The following DPYD variants were observed in gnomAD, a reference collection of about 807,000 sequenced individuals.
DPYD encodes dihydropyrimidine dehydrogenase.
DPYD carries 109 observed loss-of-function variants against 116.2 expected under a neutral mutation model. That is an observed-to-expected ratio of 0.94 (90% CI 0.80 to 1.10). The LOEUF is 1.10. Ranked by LOEUF, DPYD falls within the 50% of genes least tolerant of loss-of-function variation. The pLI is 0.00. For missense variants in DPYD, 1,302 were observed against 1,254.5 expected (o/e 1.04, Z -0.57); for synonymous variants, 440 against 432.0 (o/e 1.02, Z -0.23).
chr1:97,691,654 T>C, intron 7 of DPYD, 63 bp downstream of exon 7: 1 of 1,350,204 alleles, frequency 7.4e-7, no homozygotes. Context: ...GCTGTTAATC[T>C]TTAGTGTAGA....
chr1:97,152,898 T>G (rs1655138933), intron 20 of DPYD, among the ~76,000 whole-genome samples: 1 of 152,134 alleles, frequency 6.6e-6, no homozygotes, highest in Admixed American at 6.6e-5. Flanking sequence ...TCAATTTGAG[T>G]GTGTCCTAGT....
intron 16 of DPYD, among the ~76,000 whole-genome samples, chr1:97,324,847 G>C (rs915509345): frequency 6.6e-6 from 1 of 152,046 alleles, no homozygotes; most frequent in Admixed American, 6.6e-5. Flanking sequence ...ATTTCTACAA[G>C]ATGGATATGT....
At chr1:97,270,474 C>T (rs1010101057) in intron 18 of DPYD, among the ~76,000 whole-genome samples, 17 of 152,142 alleles carry the variant, frequency 1.1e-4, no homozygotes, top group African/African-American at 3.9e-4. Context: ...TTAACTACAA[C>T]ATTTACACCA....
intron 11 of DPYD, among the ~76,000 whole-genome samples, chr1:97,551,535 AGATCT>A (rs1651321396): frequency 6.6e-6 from 1 of 152,156 alleles, no homozygotes; most frequent in African/African-American, 2.4e-5. Context: ...GGCCTACAAC[AGATCT>A]GAAATAAAGA....
At chr1:97,507,434 A>G (rs1647424447) in intron 13 of DPYD, among the ~76,000 whole-genome samples, 1 of 139,818 alleles carries the variant, frequency 7.2e-6, no homozygotes, top group East Asian at 1.9e-4. Context: ...AATGCACTGG[A>G]CTATTGTTAA....
intron 20 of DPYD, among the ~76,000 whole-genome samples, chr1:97,161,216 T>C (rs1655871204): frequency 6.6e-6 from 1 of 152,178 alleles, no homozygotes; most frequent in South Asian, 2.1e-4. Context: ...TTAAATAAAG[T>C]GTCTTACACA....
chr1:97,482,738 G>T (rs1184382919), intron 13 of DPYD, among the ~76,000 whole-genome samples: 1 of 152,084 alleles, frequency 6.6e-6, no homozygotes, highest in Non-Finnish European at 1.5e-5. Flanking sequence ...AGTTACTTTT[G>T]TACAGAGAAA....
chr1:97,384,823 C>T (rs1477059930), intron 14 of DPYD, among the ~76,000 whole-genome samples: 1 of 151,660 alleles, frequency 6.6e-6, no homozygotes, highest in Non-Finnish European at 1.5e-5. Flanking sequence ...GAACAACGTT[C>T]CGAAATATGG....
intron 2 of DPYD, among the ~76,000 whole-genome samples, chr1:97,836,168 G>A (rs896022072): frequency 6.6e-6 from 1 of 152,144 alleles, no homozygotes; most frequent in Admixed American, 6.5e-5. Context: ...CAGGGATGGG[G>A]TGCGGGTGGC....
At chr1:97,595,235 A>G (rs1654798313) in intron 8 of DPYD, 69 bp from the exon 9 acceptor site, 1 of 1,238,392 alleles carries the variant, frequency 8.1e-7, no homozygotes, top group African/African-American at 1.5e-5. Flanking sequence ...ATTAAAACAA[A>G]AAAGAAAACT....
At chr1:97,831,216 T>A (rs113775813) in intron 2 of DPYD, among the ~76,000 whole-genome samples, 77 of 152,346 alleles carry the variant, frequency 5.1e-4, no homozygotes, top group African/African-American at 1.7e-3. Flanking sequence ...TCAGACAATA[T>A]TAGGCTCTTG....
At chr1:97,295,291 G>T (rs1321877125) in intron 18 of DPYD, among the ~76,000 whole-genome samples, 1 of 152,160 alleles carries the variant, frequency 6.6e-6, no homozygotes, top group Non-Finnish European at 1.5e-5. Context: ...CCACACAGCT[G>T]CTATGCATTG....
chr1:97,823,822 C>A (rs1027724730), intron 3 of DPYD, among the ~76,000 whole-genome samples: 2 of 147,152 alleles, frequency 1.4e-5, no homozygotes, highest in Non-Finnish European at 3.0e-5. Context: ...TTTAAAAATG[C>A]ATGAAATTTC....
chr1:97,488,562 A>C (rs1050642646), intron 13 of DPYD, among the ~76,000 whole-genome samples: 4 of 152,188 alleles, frequency 2.6e-5, no homozygotes, highest in Non-Finnish European at 5.9e-5. Context: ...ACAAGTGCTA[A>C]GTCAGAAGAA....
At chr1:97,714,367 C>T (rs893037976) in intron 5 of DPYD, among the ~76,000 whole-genome samples, 2 of 151,916 alleles carry the variant, frequency 1.3e-5, no homozygotes, top group African/African-American at 2.4e-5. Context: ...TGCACACCAC[C>T]ACAGCTGGCT....
At chr1:97,204,508 A>G (rs1472964135) in intron 19 of DPYD, among the ~76,000 whole-genome samples, 2 of 152,182 alleles carry the variant, frequency 1.3e-5, no homozygotes, top group Non-Finnish European at 2.9e-5. Context: ...AAGAAAGATT[A>G]CAAACACCAG....
In DPYD at chr1:97,834,378, G is replaced by GA. The variant is rs1346623404; in HGVS notation, c.151-6183dup. Among the ~76,000 whole-genome samples, 356 of 140,806 alleles carry GA rather than the reference G, an allele frequency of 2.5e-3. 1 individual carries two copies. The highest frequency in any genetic ancestry group is 0.023 in the East Asian group (111 of 4,924). 92.4% of individuals were successfully genotyped at this position (140,806 alleles called of 152,430 possible). A position where few individuals can be genotyped will look rare whatever the true frequency, so the allele number is the denominator to read the frequency against. ...AACCTTTTTTTTAACTCCTTATTTT[G>GA]AAAAAAAAAAGCCAATTCAATAGGG... is the stretch of plus-strand genomic sequence containing the variant. On this transcript the variant is annotated intron_variant, in intron 2 of 22. Coordinates refer to ENST00000370192, the MANE Select transcript of DPYD (RefSeq NM_000110.4).
At chr1:97,094,613 G>T (rs1302963632) in intron 21 of DPYD, among the ~76,000 whole-genome samples, 1 of 152,066 alleles carries the variant, frequency 6.6e-6, no homozygotes, top group Non-Finnish European at 1.5e-5. Flanking sequence ...TGGAAGGAAT[G>T]GGAATCAGTT....
chr1:97,910,883 T>C (rs1441376395), intron 1 of DPYD, among the ~76,000 whole-genome samples: 2 of 152,098 alleles, frequency 1.3e-5, no homozygotes, highest in African/African-American at 2.4e-5. Context: ...TCTGTTATAC[T>C]TCTACTTTTC....
Sources: gnomAD v4.1 joint callset for allele counts (sites outside exome capture counted in the v4.1 genomes callset) on GRCh38, gnomAD v4.1.1 for gene constraint, MANE v1.5 for transcripts, NCBI Gene and HGNC (gene_info 2026-07-23, HGNC 2026-07-21) for gene names.